The following AEBP2 variants were observed in gnomAD, a reference collection of about 807,000 sequenced individuals.
AEBP2 encodes zinc finger protein AEBP2.
Under a neutral mutation model 50.8 loss-of-function variants are expected in AEBP2, and 10 were observed. The observed-to-expected ratio is 0.20, with a 90% CI of 0.12 to 0.33. The LOEUF is 0.33. Ranked by LOEUF, AEBP2 falls within the 10% of genes least tolerant of loss-of-function variation. AEBP2 has a pLI of 1.00. For synonymous variants in AEBP2, 296 were observed against 261.3 expected (o/e 1.13, Z -1.28); for missense variants, 570 against 688.0 (o/e 0.83, Z 1.92).
rs372675787 is a variant in AEBP2, at chr12:19,488,424, A to G, written c.988-5376A>G. Among the ~76,000 whole-genome samples the G allele has an allele frequency of 1.7e-4, 26 of 150,716 alleles. No individual in the cohort carries two copies. The East Asian group carries it at 1.8e-3, about 10-fold the overall frequency. On this transcript the variant is annotated intron_variant, in intron 3 of 7. Transcript: ENST00000266508. ...ATTACAGGCGTGAGTCATCGCTCCT[A>G]TCCATATTAAATATTGTTTGTGGTC...
Position 19,440,028 on chromosome 12 carries a change from G to A in AEBP2, c.329G>A (p.Ser110Asn), listed in dbSNP as rs1036469988. 5 of 1,525,196 alleles carry A rather than the reference G, an allele frequency of 3.3e-6. No homozygotes were observed. The African/African-American group carries it at 5.7e-5, about 17-fold the overall frequency. 94.5% of individuals were successfully genotyped at this position (1,525,196 alleles called of 1,614,324 possible). ...GACGACGAGGAGGAGGAAGATGAGAGCAGCAGCAGCGGCGGGGGTGAGGAG... is the reference window on the plus strand; with the variant it reads ...GACGACGAGGAGGAGGAAGATGAGAACAGCAGCAGCGGCGGGGGTGAGGAG... ...EEDDEEEEDE[S>N]SSSGGGEEES... is the part of the protein sequence containing the mutation. The change falls in exon 1 of 8, where the codon AGC becomes AAC. Residue 110 changes from serine (S) to asparagine (N), a missense_variant. Ser to Asn is a conservative substitution (Grantham distance 46). This residue lies in a region of AEBP2 where 386 missense variants were observed against 336.8 expected (regional missense o/e 1.15). Coordinates refer to ENST00000266508, the MANE Select transcript of AEBP2 (RefSeq NM_153207.5).
chr12:19,436,991 T>A (rs1434743685), upstream of AEBP2, among the ~76,000 whole-genome samples: 1 of 152,094 alleles, frequency 6.6e-6, no homozygotes, highest in African/African-American at 2.4e-5. Context: ...CCTATCCCTG[T>A]TACTCACCCT....
upstream of AEBP2, among the ~76,000 whole-genome samples, chr12:19,439,165 G>C (rs1190960761): frequency 6.6e-6 from 1 of 152,278 alleles, no homozygotes; most frequent in African/African-American, 2.4e-5. Flanking sequence ...CGCTCTCTTC[G>C]TAGACTGTAG....
chr12:19,510,246 AAGGT>A (rs1949214211), intron 5 of AEBP2, among the ~76,000 whole-genome samples: 1 of 152,176 alleles, frequency 6.6e-6, no homozygotes, highest in South Asian at 2.1e-4. Context: ...TCGGTGAGGG[AAGGT>A]AGGCACATAA....
intron 3 of AEBP2, among the ~76,000 whole-genome samples, chr12:19,489,034 C>G (rs997373248): frequency 3.7e-4 from 56 of 152,158 alleles, no homozygotes; most frequent in African/African-American, 1.3e-3. Context: ...GGTGATCCAC[C>G]TGCCTCGGCC....
At chr12:19,461,597 C>T (rs1948379114) in intron 1 of AEBP2, among the ~76,000 whole-genome samples, 1 of 152,068 alleles carries the variant, frequency 6.6e-6, no homozygotes, top group African/African-American at 2.4e-5. Context: ...CCAACCTCCG[C>T]CTCCTGGGTT....
chr12:19,421,204 C>T (rs1352992859), intron 1 of AEBP2, among the ~76,000 whole-genome samples: 3 of 151,602 alleles, frequency 2.0e-5, no homozygotes, highest in South Asian at 2.1e-4. Flanking sequence ...ATTAGCTGGG[C>T]GTAGTGCTGG....
intron 5 of AEBP2, among the ~76,000 whole-genome samples, chr12:19,505,413 AT>A (rs1949142109): frequency 6.6e-6 from 1 of 152,272 alleles, no homozygotes; most frequent in Non-Finnish European, 1.5e-5. Flanking sequence ...AACAAAACAG[AT>A]TAAAACCAAC....
At position 19,462,653 on chromosome 12, in the gene AEBP2, T is replaced by A; in HGVS notation, c.815T>A (p.Phe272Tyr). 1 of 1,614,004 alleles carries A rather than the reference T, an allele frequency of 6.2e-7. No homozygotes were observed. The highest frequency in any genetic ancestry group is 8.5e-7 in the Non-Finnish European group (1 of 1,179,892). The part of the protein sequence containing the change: ...NCCWDQCQAC[F>Y]NSSPDLADHI... ...TGTTGGGACCAGTGCCAGGCTTGCT[T>A]CAACTCTAGCCCAGATCTGGCAGAT... is the stretch of plus-strand genomic sequence containing the variant. The change falls in exon 2 of 8, where the codon TTC becomes TAC. Residue 272 changes from phenylalanine to tyrosine, a missense_variant. Phe to Tyr is a conservative substitution (Grantham distance 22). This residue lies in a region of AEBP2 where 184 missense variants were observed against 351.2 expected (regional missense o/e 0.52). Transcript: ENST00000266508.
chr12:19,457,320 C>A, intron 1 of AEBP2: 1 of 1,513,856 alleles, frequency 6.6e-7, no homozygotes, highest in Non-Finnish European at 9.0e-7. Flanking sequence ...CCTGAGATGT[C>A]CCTGTAATCA....
intron 6 of AEBP2, 117 bp from the exon 7 acceptor site, chr12:19,514,554 T>C (rs746540215): frequency 1.5e-6 from 1 of 671,398 alleles, no homozygotes; most frequent in Non-Finnish European, 2.4e-6. Flanking sequence ...TCTGGGAAAC[T>C]TGTTCACTTA....
At chr12:19,444,288 C>T (rs1381624684) in intron 1 of AEBP2, among the ~76,000 whole-genome samples, 1 of 152,076 alleles carries the variant, frequency 6.6e-6, no homozygotes, top group Non-Finnish European at 1.5e-5. Flanking sequence ...TGTTACTGAA[C>T]GTGTATTTAT....
intron 3 of AEBP2, among the ~76,000 whole-genome samples, chr12:19,480,079 A>G (rs1398539664): frequency 6.6e-6 from 1 of 151,458 alleles, no homozygotes; most frequent in Non-Finnish European, 1.5e-5. Context: ...TATAGGTCCT[A>G]TGAGATTTAT....
chr12:19,426,181 C>T (rs912166988), intron 1 of AEBP2, among the ~76,000 whole-genome samples: 4 of 152,264 alleles, frequency 2.6e-5, no homozygotes, highest in African/African-American at 9.6e-5. Flanking sequence ...AGTGATCACC[C>T]ACTTCAGCCT....
chr12:19,516,208 T>C (rs2120632690), intron 7 of AEBP2, among the ~76,000 whole-genome samples: 1 of 152,308 alleles, frequency 6.6e-6, no homozygotes, highest in Middle Eastern at 3.4e-3. Context: ...CTACCAAAAA[T>C]TTGGGAAGGT....
At chr12:19,426,535 C>T (rs907981012) in intron 1 of AEBP2, among the ~76,000 whole-genome samples, 6 of 152,078 alleles carry the variant, frequency 3.9e-5, no homozygotes, top group South Asian at 2.1e-4. Context: ...TGCCATGTAC[C>T]GAAGAAGAGA....
chr12:19,484,949 G>A lies in AEBP2; in HGVS notation c.988-8851G>A, dbSNP rs113142754. Among the ~76,000 whole-genome samples the A allele has an allele frequency of 5.9e-3, 905 of 152,268 alleles. 4 individuals carry two copies. The highest frequency in any genetic ancestry group is 0.043 in the South Asian group (209 of 4,818). ...CGTGACATTTGCTGGAAATGTGACT[G>A]CGAACTGCTTTTTTAACTTCCTGTC... On this transcript the variant is annotated intron_variant, in intron 3 of 7. Coordinates refer to ENST00000266508, the MANE Select transcript of AEBP2 (RefSeq NM_153207.5).
chr12:19,457,025 G>A, intron 1 of AEBP2: 1 of 1,604,066 alleles, frequency 6.2e-7, no homozygotes, highest in South Asian at 1.1e-5. Context: ...TTAAAACTTG[G>A]CTCCAGCATG....
At chr12:19,486,732 T>G (rs964992902) in intron 3 of AEBP2, among the ~76,000 whole-genome samples, 1 of 152,138 alleles carries the variant, frequency 6.6e-6, no homozygotes, top group Admixed American at 6.6e-5. Flanking sequence ...CCTTTACATG[T>G]CCTCTAATTA....
Sources: allele counts gnomAD v4.1 joint callset (sites outside exome capture counted in the v4.1 genomes callset), GRCh38; gene constraint gnomAD v4.1.1; regional missense constraint gnomAD v4.1.1; transcripts MANE v1.5; gene names NCBI Gene and HGNC (gene_info 2026-07-23, HGNC 2026-07-21).